USH1G: variants seen among roughly 807,000 people sequenced by gnomAD.
USH1G encodes the protein USH1 protein network component sans.
In USH1G, 27 loss-of-function variants were observed where a neutral mutation model predicts 31.9. The observed-to-expected ratio is 0.85, with a 90% CI of 0.62 to 1.17. USH1G has a LOEUF of 1.17. USH1G is among the 50% of genes most tolerant of loss of function. The probability of loss-of-function intolerance (pLI) is 0.00; values close to 1 mark genes in which losing one functional copy is unlikely to be tolerated. For missense variants in USH1G, 674 were observed against 638.9 expected (o/e 1.05, Z -0.59); for synonymous variants, 266 against 283.2 (o/e 0.94, Z 0.61).
Position 74,919,532 on chromosome 17 carries a change from G to T in USH1G, c.1304C>A (p.Pro435His). Reference protein sequence around the residue: ...DLRSISVPLGPRKKILGAVRR... With the variant: ...DLRSISVPLGHRKKILGAVRR... ...CACGGCCCCCAAGATCTTCTTTCGG[G>T]GCCCCAGTGGGACGCTGATGCTGCG... The change falls in exon 2 of 3, where the codon CCC becomes CAC. Residue 435 changes from proline to histidine, a missense_variant. Physicochemically the swap from Pro to His is moderately conservative, Grantham distance 77. Transcript: ENST00000614341. This position sits in a 1 kb window ranked among gnomAD's most constrained non-coding sequence, Gnocchi z 4.5. 6.2e-7 allele frequency: 1 copy of T among 1,612,038 alleles called. No individual in the cohort carries two copies.
rs1044385908 is a variant in USH1G, at chr17:74,920,331, G to A, written c.505C>T (p.Leu169=). The change falls in exon 2 of 3, where the codon CTG becomes TTG. Residue 169 remains leucine, a synonymous_variant. Transcript: ENST00000614341. The surrounding 1 kb of genome is among the most constrained non-coding windows in gnomAD (Gnocchi z 5.2). Reference sequence around the variant, plus strand: ...CTGAGGGTGTCGGAACGCTCGGCCAGCTCGCGCCGGTATCGCCGCTCCATG... The same window carrying A: ...CTGAGGGTGTCGGAACGCTCGGCCAACTCGCGCCGGTATCGCCGCTCCATG... ...ERMERRYRRE[L]AERSDTLSFS... is the part of the protein sequence containing the mutation. 1.9e-6 allele frequency: 3 copies of A among 1,609,662 alleles called. 1 individual carries two copies. Among genetic ancestry groups the A allele is most frequent in the Non-Finnish European group, 2.5e-6 (3 of 1,179,196 alleles).
chr17:74,920,617 A>G lies in USH1G; in HGVS notation c.219T>C (p.Ala73=). ...IWGNTPLHLA[A]SNGHLHCLSF... is the part of the protein sequence containing the mutation. The stretch of plus-strand genomic sequence containing the variant: ...ACAGGCAGTGCAAGTGGCCATTGGA[A>G]GCTGCCAGATGCAGGGGTGTGTTGC... Residue 73 remains alanine, a synonymous_variant, in exon 2 of 3, where the codon GCT becomes GCC. Coordinates refer to ENST00000614341, the MANE Select transcript of USH1G (RefSeq NM_173477.5). This position sits in a 1 kb window ranked among gnomAD's most constrained non-coding sequence, Gnocchi z 5.2. 1 of 1,613,854 alleles carries G rather than the reference A, an allele frequency of 6.2e-7. No homozygotes were observed. Among genetic ancestry groups the G allele is most frequent in the East Asian group, 2.2e-5 (1 of 44,880 alleles).
Position 74,917,576 on chromosome 17 carries a change from C to T in USH1G, c.*497G>A, listed in dbSNP as rs2038883622. ...CTGAAGAGTCTGGCTGAGGAACTTC[C>T]CCTCTGGGGTGGACGGGAGGAGGGG... On this transcript the variant is annotated 3_prime_UTR_variant, in exon 3 of 3. Transcript: ENST00000614341. The T allele has an allele frequency of 6.0e-6, 1 of 167,442 alleles. No individual in the cohort carries two copies. The highest frequency in any genetic ancestry group is 1.3e-5 in the Non-Finnish European group (1 of 76,202). 10.4% of individuals were successfully genotyped at this position (167,442 alleles called of 1,614,324 possible).
At position 74,916,902 on chromosome 17, in the gene USH1G, CACAT is replaced by C. The variant is rs762950394; in HGVS notation, c.*1167_*1170del. The C allele has an allele frequency of 2.0e-5, 3 of 152,824 alleles. No individual in the cohort carries two copies. The highest frequency in any genetic ancestry group is 4.4e-5 in the Non-Finnish European group (3 of 68,628). 9.5% of individuals were successfully genotyped at this position (152,824 alleles called of 1,614,324 possible). The stretch of plus-strand genomic sequence containing the variant: ...ACACACGCACACATGCACACACACA[CACAT>C]GCATGCACACACACACATGCACACA... On this transcript the variant is annotated 3_prime_UTR_variant, in exon 3 of 3. Transcript: ENST00000614341.
rs1322425552 is a variant in USH1G, at chr17:74,923,048, G to A, written c.26C>T (p.Ala9Val). The A allele has an allele frequency of 6.3e-7, 1 of 1,587,644 alleles. No homozygotes were observed. Among genetic ancestry groups the A allele is most frequent in the Non-Finnish European group, 8.6e-7 (1 of 1,166,290 alleles). Reference protein sequence around the residue: MNDQYHRAARDGYLELLKE... With the variant: MNDQYHRAVRDGYLELLKE... ...GAGGAGCTCCAGGTAGCCATCCCGG[G>A]CTGCCCGGTGGTACTGGTCGTTCAT... The change falls in exon 1 of 3, where the codon GCC becomes GTC. Residue 9 changes from alanine (A) to valine (V), a missense_variant. By Grantham distance (64) the Ala-to-Val change is moderately conservative. Coordinates refer to ENST00000614341, the MANE Select transcript of USH1G (RefSeq NM_173477.5). The surrounding 1 kb of genome is among the most constrained non-coding windows in gnomAD (Gnocchi z 5.3).
In USH1G at chr17:74,918,165, A is replaced by G; in HGVS notation, c.1383-89T>C. On this transcript the variant is annotated intron_variant, in intron 2 of 2. Transcript: ENST00000614341. The surrounding 1 kb of genome is among the most constrained non-coding windows in gnomAD (Gnocchi z 4.1). ...CCCAGGGCAGCCATCTGGACAACTT[A>G]GCCTCCCCATCTCTCGGCAGGCCAA... is the stretch of plus-strand genomic sequence containing the variant. The G allele has an allele frequency of 6.4e-7, 1 of 1,567,214 alleles. No individual in the cohort carries two copies. The highest frequency in any genetic ancestry group is 8.7e-7 in the Non-Finnish European group (1 of 1,146,572).
In USH1G at chr17:74,918,604, G is replaced by A. The variant is rs549685820; in HGVS notation, c.1383-528C>T. ...GGCCAGAGTGGGCAGATCACTTGAG[G>A]TCAGGAGTTCGAGACCAGCCTGGCC... On this transcript the variant is annotated intron_variant, in intron 2 of 2. Coordinates refer to ENST00000614341, the MANE Select transcript of USH1G (RefSeq NM_173477.5). This position sits in a 1 kb window ranked among gnomAD's most constrained non-coding sequence, Gnocchi z 4.1. Among the ~76,000 whole-genome samples, 1 of 152,124 alleles carries A rather than the reference G, an allele frequency of 6.6e-6. No individual in the cohort carries two copies. The highest frequency in any genetic ancestry group is 1.5e-5 in the Non-Finnish European group (1 of 68,022).
At position 74,920,892 on chromosome 17, in the gene USH1G, G is replaced by A. The variant is rs928678937; in HGVS notation, c.165-221C>T. On this transcript the variant is annotated intron_variant, in intron 1 of 2. Transcript: ENST00000614341. The surrounding 1 kb of genome is among the most constrained non-coding windows in gnomAD (Gnocchi z 5.2). The stretch of plus-strand genomic sequence containing the variant: ...GAAAATGGCCTCAGGCATGCAGGGG[G>A]TGGGGTGACAGAGAAGGCGGGACTG... 7.2e-5 allele frequency among the ~76,000 whole-genome samples: 11 copies of A among 152,210 alleles called. No homozygotes were observed. The highest frequency in any genetic ancestry group is 2.1e-4 in the South Asian group (1 of 4,826).
chr17:74,919,405 G>T lies in USH1G; in HGVS notation c.1382+49C>A, dbSNP rs1157351236. The stretch of plus-strand genomic sequence containing the variant: ...GCAGATCTGTACCCCCTCCCCAGGG[G>T]CCTTCCAACTCCTGCTCCTCCATCC... On this transcript the variant is annotated intron_variant, in intron 2 of 2. Coordinates refer to ENST00000614341, the MANE Select transcript of USH1G (RefSeq NM_173477.5). The surrounding 1 kb of genome is among the most constrained non-coding windows in gnomAD (Gnocchi z 4.5). 1.9e-6 allele frequency: 3 copies of T among 1,559,168 alleles called. No homozygotes were observed. The highest frequency in any genetic ancestry group is 2.6e-6 in the Non-Finnish European group (3 of 1,154,798).
rs1464959394 is a variant in USH1G, at chr17:74,916,566, G to A, written c.*1507C>T. On this transcript the variant is annotated 3_prime_UTR_variant, in exon 3 of 3. Transcript: ENST00000614341. ...GCTTCCCAAGCTGAGGTCAGGGATG[G>A]GGGGCCATGGCTGAGAAAGGAGGAG... 2 of 152,264 alleles carry A rather than the reference G, an allele frequency of 1.3e-5. No individual in the cohort carries two copies. The highest frequency in any genetic ancestry group is 3.8e-4 in the East Asian group (2 of 5,196). The allele number at this position is 152,264 out of a possible 1,614,324, so 9.4% of individuals were successfully genotyped here. A position where few individuals can be genotyped will look rare whatever the true frequency, so the allele number is the denominator to read the frequency against.
rs746904393 is a variant in USH1G, at chr17:74,916,891, G to GCACACACA, written c.*1174_*1181dup. 6.6e-6 allele frequency: 1 copy of GCACACACA among 152,284 alleles called. No individual in the cohort carries two copies. The highest frequency in any genetic ancestry group is 1.5e-5 in the Non-Finnish European group (1 of 68,384). The allele number at this position is 152,284 out of a possible 1,614,324, so 9.4% of individuals were successfully genotyped here. A position where few individuals can be genotyped will look rare whatever the true frequency, so the allele number is the denominator to read the frequency against. ...CGTGAGTGTGCACACACGCACACAT[G>GCACACACA]CACACACACACACATGCATGCACAC... On this transcript the variant is annotated 3_prime_UTR_variant, in exon 3 of 3. Coordinates refer to ENST00000614341, the MANE Select transcript of USH1G (RefSeq NM_173477.5).
At position 74,918,193 on chromosome 17, in the gene USH1G, G is replaced by A; in HGVS notation, c.1383-117C>T. 2.1e-6 allele frequency: 3 copies of A among 1,427,738 alleles called. No individual in the cohort carries two copies. Among genetic ancestry groups the A allele is most frequent in the Non-Finnish European group, 2.9e-6 (3 of 1,031,692 alleles). The allele number at this position is 1,427,738 out of a possible 1,614,324, so 88.4% of individuals were successfully genotyped here. A position where few individuals can be genotyped will look rare whatever the true frequency, so the allele number is the denominator to read the frequency against. On this transcript the variant is annotated intron_variant, in intron 2 of 2. Transcript: ENST00000614341. This position sits in a 1 kb window ranked among gnomAD's most constrained non-coding sequence, Gnocchi z 4.1. ...CTCCCCATCTCTCGGCAGGCCAATTGTCAGGGATGGGGGACGCCAGCCTAT... is the reference window on the plus strand; with the variant it reads ...CTCCCCATCTCTCGGCAGGCCAATTATCAGGGATGGGGGACGCCAGCCTAT...
Position 74,918,166 on chromosome 17 carries a change from G to A in USH1G, c.1383-90C>T. ...CCAGGGCAGCCATCTGGACAACTTA[G>A]CCTCCCCATCTCTCGGCAGGCCAAT... On this transcript the variant is annotated intron_variant, in intron 2 of 2. Coordinates refer to ENST00000614341, the MANE Select transcript of USH1G (RefSeq NM_173477.5). This position sits in a 1 kb window ranked among gnomAD's most constrained non-coding sequence, Gnocchi z 4.1. 6.4e-7 allele frequency: 1 copy of A among 1,564,126 alleles called. No homozygotes were observed. The highest frequency in any genetic ancestry group is 1.8e-5 in the Admixed American group (1 of 56,124).
Position 74,920,755 on chromosome 17 carries a change from T to TC in USH1G, c.165-85dup. On this transcript the variant is annotated intron_variant, in intron 1 of 2. Transcript: ENST00000614341. The surrounding 1 kb of genome is among the most constrained non-coding windows in gnomAD (Gnocchi z 5.2). ...AGGGAGTGGAGGGGGGAGGGGAGCT[T>TC]CCCCACTGTCACAGCAACCCCCAAA... The TC allele has an allele frequency of 2.6e-6, 4 of 1,547,240 alleles. No individual in the cohort carries two copies. In the South Asian group the frequency reaches 4.7e-5, roughly 18 times the overall value.
At position 74,920,018 on chromosome 17, in the gene USH1G, C is replaced by G; in HGVS notation, c.818G>C (p.Arg273Pro). 1 of 1,611,872 alleles carries G rather than the reference C, an allele frequency of 6.2e-7. No individual in the cohort carries two copies. The highest frequency in any genetic ancestry group is 8.5e-7 in the Non-Finnish European group (1 of 1,179,694). Reference sequence around the variant, plus strand: ...GTCCTCGTCCGAGAGGAACATGTCCCGGAGCGGGGCTCGGCCCCACTCCTT... The same window carrying G: ...GTCCTCGTCCGAGAGGAACATGTCCGGGAGCGGGGCTCGGCCCCACTCCTT... ...NPKEWGRAPL[R>P]DMFLSDEDSV... The change falls in exon 2 of 3, where the codon CGG (arginine) becomes CCG (proline). Residue 273 changes from arginine (R) to proline (P), a missense_variant. Physicochemically the swap from Arg to Pro is moderately radical, Grantham distance 103 (BLOSUM62 -2). Transcript: ENST00000614341. The surrounding 1 kb of genome is among the most constrained non-coding windows in gnomAD (Gnocchi z 5.2).
In USH1G at chr17:74,923,175, C is replaced by T; in HGVS notation, c.-102G>A. ...GAGGCATGAGGTTGGAGGACGGGGC[C>T]GGGCAGGGGCCGGGGCCGCCAGCCC... On this transcript the variant is annotated 5_prime_UTR_variant, in exon 1 of 3. Coordinates refer to ENST00000614341, the MANE Select transcript of USH1G (RefSeq NM_173477.5). The surrounding 1 kb of genome is among the most constrained non-coding windows in gnomAD (Gnocchi z 5.3). 2.7e-6 allele frequency: 3 copies of T among 1,110,096 alleles called. No homozygotes were observed. Among genetic ancestry groups the T allele is most frequent in the African/African-American group, 1.7e-5 (1 of 60,114 alleles). 68.8% of individuals were successfully genotyped at this position (1,110,096 alleles called of 1,614,324 possible).
Sources: gnomAD v4.1 joint callset for allele counts (sites outside exome capture counted in the v4.1 genomes callset) on GRCh38, gnomAD v4.1.1 for gene constraint, Gnocchi (gnomAD v3.1) non-coding constraint, MANE v1.5 for transcripts, NCBI Gene and HGNC (gene_info 2026-07-23, HGNC 2026-07-21) for gene names.